KCNH5: variants seen among roughly 807,000 people sequenced by gnomAD.
KCNH5 encodes potassium voltage-gated channel subfamily H member 5, also known as voltage-gated delayed rectifier potassium channel KCNH5.
In KCNH5, 46 loss-of-function variants were observed where a neutral mutation model predicts 96.1. The ratio of observed to expected loss-of-function variants is 0.48; its 90% CI spans 0.38 to 0.61. The LOEUF is 0.61. Ranked by LOEUF, KCNH5 falls within the 20% of genes least tolerant of loss-of-function variation. The pLI, the probability that KCNH5 is intolerant of heterozygous loss-of-function variation, is 0.00. For synonymous variants in KCNH5, 439 were observed against 449.8 expected (o/e 0.98, Z 0.30); for missense variants, 907 against 1,225.8 (o/e 0.74, Z 3.88).
intron 10 of KCNH5, among the ~76,000 whole-genome samples, chr14:62,771,319 A>G (rs1885980653): frequency 6.6e-6 from 1 of 152,172 alleles, no homozygotes; most frequent in Non-Finnish European, 1.5e-5. Flanking sequence ...TAAGTGGTAT[A>G]GAGATGTTTA....
At chr14:62,965,558 TA>T (rs1890289862) in intron 6 of KCNH5, among the ~76,000 whole-genome samples, 1 of 152,144 alleles carries the variant, frequency 6.6e-6, no homozygotes, top group Admixed American at 6.6e-5. Flanking sequence ...GTGAGCTAAA[TA>T]GGCTTCTTTT....
Position 63,011,777 on chromosome 14 carries a change from G to T in KCNH5, c.197+5054C>A, listed in dbSNP as rs376394037. On this transcript the variant is annotated intron_variant, in intron 2 of 10. Transcript: ENST00000322893. ...GAGAAGCACAGCCCTCAGCCAAATG[G>T]AGCCGGACTGACTGGCATCCATCAT... 1.3e-3 allele frequency among the ~76,000 whole-genome samples: 191 copies of T among 152,198 alleles called. 4 individuals are homozygous for T. The South Asian group carries it at 0.037, about 29-fold the overall frequency.
intron 10 of KCNH5, among the ~76,000 whole-genome samples, chr14:62,750,373 T>C (rs753668136): frequency 6.6e-6 from 1 of 152,206 alleles, no homozygotes; most frequent in Non-Finnish European, 1.5e-5. Context: ...TTTGCTGTCA[T>C]TGACAAGCCA....
intron 10 of KCNH5, among the ~76,000 whole-genome samples, chr14:62,723,346 A>G (rs1884856112): frequency 6.6e-6 from 1 of 152,224 alleles, no homozygotes. Flanking sequence ...ATTAAGAATT[A>G]TCTTCTATTA....
chr14:62,990,971 G>T (rs1427590441), intron 4 of KCNH5, among the ~76,000 whole-genome samples: 2 of 152,008 alleles, frequency 1.3e-5, no homozygotes, highest in African/African-American at 4.8e-5. Context: ...AACAGCATGG[G>T]GGGATCACCC....
chr14:62,755,368 G>A (rs1345186991), intron 10 of KCNH5, among the ~76,000 whole-genome samples: 1 of 152,068 alleles, frequency 6.6e-6, no homozygotes, highest in Non-Finnish European at 1.5e-5. Context: ...CATACGACCT[G>A]CAAATACATT....
At position 62,706,205 on chromosome 14, in the gene KCNH5, T is replaced by C. The variant is rs1884427411; in HGVS notation, c.*1303A>G. 6.6e-6 allele frequency: 1 copy of C among 152,154 alleles called. No homozygotes were observed. Among genetic ancestry groups the C allele is most frequent in the Admixed American group, 6.5e-5 (1 of 15,274 alleles). The allele number at this position is 152,154 out of a possible 1,614,324, so 9.4% of individuals were successfully genotyped here. On this transcript the variant is annotated 3_prime_UTR_variant, in exon 11 of 11. Transcript: ENST00000322893. ...AATTCAAAAGACTAAAATTCAGTCT[T>C]TAGTATCCCCCTTTCACAAATGGAC...
intron 8 of KCNH5, among the ~76,000 whole-genome samples, chr14:62,817,354 GAACC>G (rs1458098766): frequency 6.8e-6 from 1 of 146,164 alleles, no homozygotes; most frequent in Non-Finnish European, 1.5e-5. Context: ...TCACAAAAAA[GAACC>G]AAACAGGAAT....
intron 10 of KCNH5, among the ~76,000 whole-genome samples, chr14:62,717,634 A>C (rs1159041953): frequency 1.3e-5 from 2 of 152,232 alleles, no homozygotes; most frequent in African/African-American, 4.8e-5. Context: ...TATATACAAA[A>C]TTAAACTTAT....
chr14:62,732,543 C>CAA (rs1254307297), intron 10 of KCNH5, among the ~76,000 whole-genome samples: 1 of 151,916 alleles, frequency 6.6e-6, no homozygotes, highest in East Asian at 1.9e-4. Flanking sequence ...AATTTGCAGC[C>CAA]ACTTTAACTA....
intron 1 of KCNH5, among the ~76,000 whole-genome samples, chr14:63,021,483 T>C (rs1891426088): frequency 6.6e-6 from 1 of 152,164 alleles, no homozygotes; most frequent in South Asian, 2.1e-4. Flanking sequence ...TCTTTGCCCA[T>C]CAAAACACTT....
intron 10 of KCNH5, among the ~76,000 whole-genome samples, chr14:62,715,539 C>A (rs1032306): frequency 0.88 from 134,036 of 152,198 alleles, 59,956 homozygotes; most frequent in East Asian, 1. Flanking sequence ...AGAGGCTGTA[C>A]ACTCTCAGTG....
intron 7 of KCNH5, among the ~76,000 whole-genome samples, chr14:62,916,689 G>A (rs937758522): frequency 2.0e-5 from 3 of 151,922 alleles, no homozygotes; most frequent in African/African-American, 7.3e-5. Context: ...AACACAGAGG[G>A]GCTCTGAGAC....
chr14:62,907,008 A>G (rs1031466628), intron 7 of KCNH5, among the ~76,000 whole-genome samples: 2 of 152,176 alleles, frequency 1.3e-5, no homozygotes, highest in African/African-American at 4.8e-5. Context: ...TTCAGCTTGC[A>G]TTTTCAACCC....
intron 6 of KCNH5, among the ~76,000 whole-genome samples, chr14:62,971,061 A>G (rs1397876236): frequency 6.6e-6 from 1 of 152,102 alleles, no homozygotes; most frequent in Non-Finnish European, 1.5e-5. Flanking sequence ...AGAAATAAAA[A>G]TGTCATTGTT....
chr14:62,749,569 A>T (rs1885451953), intron 10 of KCNH5, among the ~76,000 whole-genome samples: 1 of 152,198 alleles, frequency 6.6e-6, no homozygotes, highest in African/African-American at 2.4e-5. Flanking sequence ...ATATTCAAGA[A>T]GTGTGTTTTG....
intron 8 of KCNH5, among the ~76,000 whole-genome samples, chr14:62,819,827 C>G (rs1466666000): frequency 6.6e-6 from 1 of 152,082 alleles, no homozygotes; most frequent in Admixed American, 6.6e-5. Flanking sequence ...GTGTATATAC[C>G]TTTCTATGAT....
In KCNH5 at chr14:63,029,106, A is replaced by C. The variant is rs1023644139; in HGVS notation, c.74-12152T>G. ...AACTATATGCACTCTGAGTTTATGG[A>C]GGACAAACATGAAAACTGCTTTTAC... is the stretch of plus-strand genomic sequence containing the variant. On this transcript the variant is annotated intron_variant, in intron 1 of 10. Transcript: ENST00000322893. Among the ~76,000 whole-genome samples the C allele has an allele frequency of 3.3e-5, 5 of 152,284 alleles. No individual in the cohort carries two copies. In the East Asian group the frequency reaches 9.7e-4, roughly 29 times the overall value.
At chr14:62,937,668 C>T (rs994456944) in intron 7 of KCNH5, among the ~76,000 whole-genome samples, 4 of 152,168 alleles carry the variant, frequency 2.6e-5, no homozygotes, top group African/African-American at 9.7e-5. Flanking sequence ...CAAAATGTTA[C>T]AGGAAGAAGA....
Sources: allele counts gnomAD v4.1 joint callset (sites outside exome capture counted in the v4.1 genomes callset), GRCh38; gene constraint gnomAD v4.1.1; transcripts MANE v1.5; gene names NCBI Gene and HGNC (gene_info 2026-07-23, HGNC 2026-07-21).